The following REV3L variants were observed in gnomAD, a reference collection of about 807,000 sequenced individuals.
The protein encoded by REV3L is REV3 like, DNA directed polymerase zeta catalytic subunit.
A neutral mutation model predicts 299.4 loss-of-function variants in REV3L; 69 were observed. The ratio of observed to expected loss-of-function variants is 0.23; its 90% CI spans 0.19 to 0.28. REV3L has a LOEUF of 0.28. REV3L is among the 10% of genes least tolerant of loss of function. REV3L has a pLI of 1.00. For synonymous variants in REV3L, 1,238 were observed against 1,271.4 expected, an observed-to-expected ratio of 0.97 and a Z score of 0.56; for missense variants, 3,128 against 3,693.8, an observed-to-expected ratio of 0.85 and a Z score of 3.97.
intron 1 of REV3L, among the ~76,000 whole-genome samples, chr6:111,473,003 C>T (rs1308883860): frequency 6.6e-6 from 1 of 152,184 alleles, no homozygotes; most frequent in African/African-American, 2.4e-5. Flanking sequence ...AACACAATTT[C>T]ACCCAAAGTT....
At chr6:111,433,184 T>C (rs779191072) in intron 1 of REV3L, among the ~76,000 whole-genome samples, 1 of 151,856 alleles carries the variant, frequency 6.6e-6, no homozygotes, top group Non-Finnish European at 1.5e-5. Context: ...AGGAAATAAA[T>C]AGTAGCGATC....
At chr6:111,370,589 A>G (rs1334517703) in intron 13 of REV3L, among the ~76,000 whole-genome samples, 6 of 152,224 alleles carry the variant, frequency 3.9e-5, no homozygotes, top group Admixed American at 6.5e-5. Flanking sequence ...AAATTAACAT[A>G]TCCATCATTT....
chr6:111,364,738 C>G (rs1779038446), intron 15 of REV3L, among the ~76,000 whole-genome samples: 1 of 151,986 alleles, frequency 6.6e-6, no homozygotes, highest in Non-Finnish European at 1.5e-5. Context: ...ACTTCTTTCA[C>G]ATAACCATAT....
chr6:111,373,215 A>G lies in REV3L; in HGVS notation c.5140T>C (p.Ser1714Pro), dbSNP rs1163683183. Residue 1714 changes from serine to proline, a missense_variant, in exon 13 of 32, where the codon TCA (serine) becomes CCA (proline). Physicochemically the swap from Ser to Pro is moderately conservative, Grantham distance 74. Transcript: ENST00000368802. ...CDEDKHHTTD[S>P]ASWIRSGTLS... The stretch of plus-strand genomic sequence containing the variant: ...GTACCAGATCTAATCCATGAGGCTG[A>G]GTCTGTGGTATGATGCTTGTCTTCA... 6.2e-7 allele frequency: 1 copy of G among 1,614,014 alleles called. No individual in the cohort carries two copies. Among genetic ancestry groups the G allele is most frequent in the African/African-American group, 1.3e-5 (1 of 74,928 alleles).
At position 111,392,915 on chromosome 6, in the gene REV3L, G is replaced by C; in HGVS notation, c.623C>G (p.Ala208Gly). The C allele has an allele frequency of 1.2e-6, 2 of 1,612,604 alleles. No homozygotes were observed. The highest frequency in any genetic ancestry group is 1.7e-6 in the Non-Finnish European group (2 of 1,178,902). ...TTGTTCCCACCGAAATAAAGTATCA[G>C]CAAGAGAATTTCCTGATAAATGATT... is the stretch of plus-strand genomic sequence containing the variant. Reference protein sequence around the residue: ...CKNHLSGNSLADTLFRWEQDE... With the variant: ...CKNHLSGNSLGDTLFRWEQDE... Residue 208 changes from alanine (A) to glycine (G), a missense_variant, in exon 5 of 32, where the codon GCT (alanine) becomes GGT (glycine). By Grantham distance (60) the Ala-to-Gly change is moderately conservative. Coordinates refer to ENST00000368802, the MANE Select transcript of REV3L (RefSeq NM_001372078.1).
intron 21 of REV3L, among the ~76,000 whole-genome samples, chr6:111,342,522 G>A (rs1776611822): frequency 6.6e-6 from 1 of 152,110 alleles, no homozygotes; most frequent in South Asian, 2.1e-4. Flanking sequence ...CAAAAAATTA[G>A]CCAGTTGTCG....
At chr6:111,481,206 G>C (rs761771988) in intron 1 of REV3L, among the ~76,000 whole-genome samples, 2 of 152,128 alleles carry the variant, frequency 1.3e-5, no homozygotes, top group Non-Finnish European at 2.9e-5. Flanking sequence ...TCGGAAATTT[G>C]GCTGAACAGG....
chr6:111,464,948 G>A (rs1242252043), intron 1 of REV3L, among the ~76,000 whole-genome samples: 2 of 151,918 alleles, frequency 1.3e-5, no homozygotes, highest in African/African-American at 4.8e-5. Flanking sequence ...GCTGCAGTGA[G>A]CCACGATCGC....
chr6:111,381,357 AAAGGCTG>A lies in REV3L; in HGVS notation c.1177_1183del (p.Gln393Ter). ...AGGTGACTCACTCAGTCTTTGGGTC[AAAGGCTG>A]AAAAGTCTGACTATTTTCCATAAGG... On this transcript the variant is annotated frameshift_variant, in exon 10 of 32. Coordinates refer to ENST00000368802, the MANE Select transcript of REV3L (RefSeq NM_001372078.1). LOFTEE classifies it high-confidence loss of function. The A allele has an allele frequency of 6.2e-7, 1 of 1,613,710 alleles. No homozygotes were observed. Among genetic ancestry groups the A allele is most frequent in the Non-Finnish European group, 8.5e-7 (1 of 1,179,852 alleles).
chr6:111,318,335 A>C (rs1773758926), intron 26 of REV3L, among the ~76,000 whole-genome samples: 1 of 150,988 alleles, frequency 6.6e-6, no homozygotes, highest in African/African-American at 2.4e-5. Flanking sequence ...TTTTTAGTAG[A>C]GACGGGGTTT....
intron 1 of REV3L, among the ~76,000 whole-genome samples, chr6:111,457,186 G>A (rs753129128): frequency 2.4e-4 from 37 of 151,990 alleles, no homozygotes; most frequent in Middle Eastern, 6.8e-3. Context: ...ATAGTTATAG[G>A]AGAGAAAAAT....
intron 25 of REV3L, among the ~76,000 whole-genome samples, chr6:111,327,268 C>T (rs1774929348): frequency 1.3e-5 from 2 of 151,854 alleles, no homozygotes; most frequent in Admixed American, 1.3e-4. Flanking sequence ...TGGAAATGGC[C>T]CCTAAGAAAG....
intron 9 of REV3L, among the ~76,000 whole-genome samples, chr6:111,385,509 T>C (rs1189571548): frequency 6.6e-6 from 1 of 152,138 alleles, no homozygotes; most frequent in Admixed American, 6.6e-5. Flanking sequence ...AGAGAAAATT[T>C]TCATTACATC....
At chr6:111,426,182 AG>A (rs1364021181) in intron 1 of REV3L, among the ~76,000 whole-genome samples, 1 of 152,190 alleles carries the variant, frequency 6.6e-6, no homozygotes, top group African/African-American at 2.4e-5. Flanking sequence ...ATACATTAGT[AG>A]TAGTTAGTGT....
At chr6:111,401,430 T>G (rs1783072956) in intron 4 of REV3L, among the ~76,000 whole-genome samples, 1 of 152,198 alleles carries the variant, frequency 6.6e-6, no homozygotes, top group Non-Finnish European at 1.5e-5. Flanking sequence ...CAAGGGCAAG[T>G]TATTTGCTCA....
intron 1 of REV3L, among the ~76,000 whole-genome samples, chr6:111,451,674 A>T (rs1036425175): frequency 2.0e-5 from 3 of 152,202 alleles, no homozygotes; most frequent in African/African-American, 7.2e-5. Flanking sequence ...TAAAAAGCCT[A>T]TCAAAATAAT....
intron 3 of REV3L, among the ~76,000 whole-genome samples, chr6:111,408,954 G>A (rs988458738): frequency 2.0e-5 from 3 of 152,094 alleles, no homozygotes; most frequent in African/African-American, 7.2e-5. Flanking sequence ...CAAAGTGCTG[G>A]AATTACAAGT....
intron 25 of REV3L, among the ~76,000 whole-genome samples, chr6:111,329,176 T>C (rs1775131271): frequency 1.3e-5 from 2 of 152,122 alleles, no homozygotes; most frequent in Non-Finnish European, 1.5e-5. Context: ...CTTGAGTAAC[T>C]GGGATTACAG....
At chr6:111,325,143 G>C (rs1351676356) in intron 25 of REV3L, among the ~76,000 whole-genome samples, 1 of 152,202 alleles carries the variant, frequency 6.6e-6, no homozygotes, top group Admixed American at 6.5e-5. Flanking sequence ...TTACAGGCGT[G>C]AGCCACTGCA....
Sources: allele counts gnomAD v4.1 joint callset (sites outside exome capture counted in the v4.1 genomes callset), GRCh38; gene constraint gnomAD v4.1.1; transcripts MANE v1.5; gene names NCBI Gene and HGNC (gene_info 2026-07-23, HGNC 2026-07-21).